The following WDR47 variants were observed in gnomAD, a reference collection of about 807,000 sequenced individuals.
The protein encoded by WDR47 is WD repeat-containing protein 47.
Under a neutral mutation model 97.2 loss-of-function variants are expected in WDR47, and 32 were observed. The ratio of observed to expected loss-of-function variants is 0.33; its 90% CI spans 0.25 to 0.44. The LOEUF (loss-of-function observed/expected upper bound fraction) is 0.44. Among genes scored for constraint, WDR47 ranks in the 20% least tolerant of loss-of-function variants. The pLI is 1.00. For missense variants in WDR47, 782 were observed against 1,102.3 expected (o/e 0.71, Z 4.11); for synonymous variants, 375 against 373.5 (o/e 1.00, Z -0.05).
intron 7 of WDR47, among the ~76,000 whole-genome samples, chr1:108,998,269 A>G (rs887398383): frequency 3.3e-5 from 5 of 152,128 alleles, no homozygotes; most frequent in Admixed American, 6.5e-5. Context: ...TTGGGAGGCC[A>G]AGGCGGGCAG....
intron 9 of WDR47, among the ~76,000 whole-genome samples, chr1:108,987,947 A>G (rs1314087177): frequency 1.3e-5 from 2 of 152,042 alleles, no homozygotes; most frequent in Admixed American, 6.6e-5. Context: ...ATGTAAGAAT[A>G]AATACGGGCC....
chr1:109,019,608 C>A (rs1263045904), intron 2 of WDR47, among the ~76,000 whole-genome samples: 1 of 152,038 alleles, frequency 6.6e-6, no homozygotes, highest in African/African-American at 2.4e-5. Context: ...CCGTTAACAT[C>A]CTACAACAAA....
intron 8 of WDR47, chr1:108,992,623 T>C: frequency 3.6e-6 from 5 of 1,405,704 alleles, no homozygotes; most frequent in Non-Finnish European, 4.0e-6. Flanking sequence ...CTCTGGTCAT[T>C]GAGCATATCC....
At chr1:108,986,500 C>T (rs757616069) in intron 10 of WDR47, 23 bp downstream of exon 10, 3 of 1,575,524 alleles carry the variant, frequency 1.9e-6, no homozygotes, top group South Asian at 2.4e-5. Context: ...GTAAGAATGG[C>T]AGCACAAATC....
intron 13 of WDR47, among the ~76,000 whole-genome samples, chr1:108,980,349 T>TA (rs11463051): frequency 0.11 from 15,971 of 151,598 alleles, 950 homozygotes; most frequent in African/African-American, 0.14. Flanking sequence ...AACAAGGCAT[T>TA]AAAAAAAACA....
Position 109,018,797 on chromosome 1 carries a change from G to C in WDR47, c.159-1196C>G, listed in dbSNP as rs1208836005. 2.0e-5 allele frequency among the ~76,000 whole-genome samples: 3 copies of C among 151,774 alleles called. No homozygotes were observed. The East Asian group carries it at 5.8e-4, about 30-fold the overall frequency. ...CCACTGCACTCCAGCCTGGGCAACA[G>C]AGTGAGACCCTGTCTCAAAAAAACA... On this transcript the variant is annotated intron_variant, in intron 2 of 14. Transcript: ENST00000369962.
chr1:108,999,126 C>T (rs1659972742), intron 7 of WDR47, among the ~76,000 whole-genome samples: 1 of 151,716 alleles, frequency 6.6e-6, no homozygotes, highest in Non-Finnish European at 1.5e-5. Context: ...ACTTGGGAGG[C>T]TGAGGCAGGA....
chr1:109,031,672 A>G (rs28701883), intron 1 of WDR47, among the ~76,000 whole-genome samples: 18,987 of 139,190 alleles, frequency 0.14, 4,102 homozygotes, highest in African/African-American at 0.19. Context: ...GCAAACTACT[A>G]GAAGGAATTA....
intron 1 of WDR47, among the ~76,000 whole-genome samples, chr1:109,036,944 A>G (rs779320944): frequency 1.3e-5 from 2 of 152,214 alleles, no homozygotes; most frequent in Non-Finnish European, 2.9e-5. Flanking sequence ...CTTTACAATG[A>G]ATACACCTAA....
intron 10 of WDR47, among the ~76,000 whole-genome samples, chr1:108,983,691 C>T (rs543643998): frequency 3.3e-5 from 5 of 150,296 alleles, no homozygotes; most frequent in African/African-American, 9.8e-5. Context: ...ACAGGATATA[C>T]GACTTAAAAA....
chr1:108,971,906 A>G (rs1657483718), intron 14 of WDR47, among the ~76,000 whole-genome samples: 1 of 152,166 alleles, frequency 6.6e-6, no homozygotes, highest in African/African-American at 2.4e-5. Flanking sequence ...CCCAGGAGTC[A>G]ACCCTCAGAT....
chr1:109,006,959 A>G (rs535438137), intron 5 of WDR47, among the ~76,000 whole-genome samples: 2 of 151,794 alleles, frequency 1.3e-5, no homozygotes, highest in East Asian at 3.9e-4. Context: ...TTTTTTTGAG[A>G]TAGGATATCT....
intron 9 of WDR47, among the ~76,000 whole-genome samples, chr1:108,989,042 C>G (rs937817784): frequency 6.6e-6 from 1 of 152,136 alleles, no homozygotes; most frequent in Non-Finnish European, 1.5e-5. Flanking sequence ...CAGGTGTGAG[C>G]CACCACGCCT....
intron 9 of WDR47, among the ~76,000 whole-genome samples, chr1:108,988,233 G>T (rs1335635106): frequency 7.4e-6 from 1 of 135,454 alleles, no homozygotes; most frequent in Non-Finnish European, 1.6e-5. Flanking sequence ...AGGAAGGGGG[G>T]AGGGGCGGGG....
chr1:109,017,395 C>A (rs1571227004), intron 3 of WDR47, 123 bp downstream of exon 3: 1 of 774,610 alleles, frequency 1.3e-6, no homozygotes, highest in Non-Finnish European at 2.2e-6. Context: ...AGAGAGAGAT[C>A]AATTTGTTTA....
intron 7 of WDR47, among the ~76,000 whole-genome samples, chr1:109,000,402 A>G (rs1427493487): frequency 6.8e-6 from 1 of 146,288 alleles, no homozygotes; most frequent in Non-Finnish European, 1.5e-5. Context: ...CCAGCTACTC[A>G]GGGAGCTGAG....
chr1:108,974,776 T>C (rs760861655), intron 13 of WDR47, 22 bp from the exon 14 acceptor site: 13 of 1,569,108 alleles, frequency 8.3e-6, no homozygotes, highest in Non-Finnish European at 1.1e-5. Flanking sequence ...GGAATGAAAG[T>C]TTAAATACAG....
chr1:109,003,506 C>T (rs766831662), intron 6 of WDR47, among the ~76,000 whole-genome samples: 3 of 151,730 alleles, frequency 2.0e-5, no homozygotes, highest in Non-Finnish European at 2.9e-5. Flanking sequence ...CTGTATAAAC[C>T]TGTTTGTTTG....
intron 9 of WDR47, chr1:108,987,034 T>C (rs1658882627): frequency 2.0e-5 from 4 of 199,288 alleles, no homozygotes; most frequent in Non-Finnish European, 4.5e-5. Flanking sequence ...CAGCAAATCT[T>C]TGAATCCTTT....
Sources: allele counts gnomAD v4.1 joint callset (sites outside exome capture counted in the v4.1 genomes callset), GRCh38; gene constraint gnomAD v4.1.1; transcripts MANE v1.5; gene names NCBI Gene and HGNC (gene_info 2026-07-23, HGNC 2026-07-21).